The following SMOC1 variants were observed in gnomAD, a reference collection of about 807,000 sequenced individuals.
The protein encoded by SMOC1 is SPARC-related modular calcium-binding protein 1.
In SMOC1, 22 loss-of-function variants were observed where a neutral mutation model predicts 56.3. The observed-to-expected ratio is 0.39, with a 90% CI of 0.28 to 0.56. SMOC1 has a LOEUF of 0.56. Among genes scored for constraint, SMOC1 ranks in the 20% least tolerant of loss-of-function variants. The pLI, the probability that SMOC1 is intolerant of heterozygous loss-of-function variation, is 0.61. For synonymous variants in SMOC1, 193 were observed against 215.0 expected, an observed-to-expected ratio of 0.90 and a Z score of 0.89; for missense variants, 509 against 565.4, an observed-to-expected ratio of 0.90 and a Z score of 1.01.
chr14:69,963,371 T>C (rs1005573787), intron 3 of SMOC1, among the ~76,000 whole-genome samples: 3 of 152,166 alleles, frequency 2.0e-5, no homozygotes, highest in African/African-American at 7.2e-5. Flanking sequence ...GGAAACTTTT[T>C]AGAATCACCA....
At chr14:69,898,562 G>A (rs1884157144) in intron 1 of SMOC1, among the ~76,000 whole-genome samples, 2 of 151,754 alleles carry the variant, frequency 1.3e-5, no homozygotes, top group African/African-American at 4.8e-5. Flanking sequence ...GCCATGTCCA[G>A]TCTACTAATG....
intron 1 of SMOC1, among the ~76,000 whole-genome samples, chr14:69,910,915 TAC>T (rs1884540574): frequency 6.6e-6 from 1 of 152,140 alleles, no homozygotes; most frequent in Non-Finnish European, 1.5e-5. Context: ...TCTGTGTTAT[TAC>T]CAGGGAGTTT....
intron 1 of SMOC1, among the ~76,000 whole-genome samples, chr14:69,938,255 T>C (rs1283641025): frequency 6.6e-6 from 1 of 152,204 alleles, no homozygotes; most frequent in Non-Finnish European, 1.5e-5. Flanking sequence ...AGTATAGTAC[T>C]CTGCCTCTTC....
At chr14:69,894,546 T>A (rs1203801994) in intron 1 of SMOC1, among the ~76,000 whole-genome samples, 1 of 152,200 alleles carries the variant, frequency 6.6e-6, no homozygotes, top group Non-Finnish European at 1.5e-5. Flanking sequence ...CCTGACCACA[T>A]GGCTACTGGA....
intron 1 of SMOC1, among the ~76,000 whole-genome samples, chr14:69,918,956 G>A (rs1194549706): frequency 6.6e-6 from 1 of 152,194 alleles, no homozygotes; most frequent in Non-Finnish European, 1.5e-5. Flanking sequence ...GTGGGTAATG[G>A]AGAAGTGGTG....
chr14:69,922,809 AT>A (rs766321786), intron 1 of SMOC1, among the ~76,000 whole-genome samples: 2 of 151,916 alleles, frequency 1.3e-5, no homozygotes, highest in South Asian at 4.2e-4. Context: ...AACAAATGAG[AT>A]AACTGAAAAC....
At chr14:69,998,616 T>C (rs1231031268) in intron 7 of SMOC1, among the ~76,000 whole-genome samples, 4 of 152,210 alleles carry the variant, frequency 2.6e-5, no homozygotes, top group African/African-American at 9.6e-5. Context: ...GCAGGCACTT[T>C]CCTATGGCTC....
intron 1 of SMOC1, among the ~76,000 whole-genome samples, chr14:69,923,751 C>T (rs564732853): frequency 4.6e-5 from 7 of 152,276 alleles, no homozygotes; most frequent in African/African-American, 1.7e-4. Context: ...CAGACAGTAC[C>T]CAAGGCAGGG....
chr14:69,925,956 C>T (rs930179164), intron 1 of SMOC1, among the ~76,000 whole-genome samples: 2 of 152,156 alleles, frequency 1.3e-5, no homozygotes, highest in African/African-American at 4.8e-5. Flanking sequence ...CTTAGCTCTT[C>T]CTGCCCCCCA....
intron 1 of SMOC1, among the ~76,000 whole-genome samples, chr14:69,912,287 C>T (rs1328492458): frequency 1.3e-5 from 2 of 152,180 alleles, no homozygotes; most frequent in African/African-American, 2.4e-5. Flanking sequence ...CTTGCTCTGT[C>T]ACTCAGGCTG....
At chr14:69,960,545 G>A (rs183100393) in intron 3 of SMOC1, among the ~76,000 whole-genome samples, 22 of 152,180 alleles carry the variant, frequency 1.4e-4, no homozygotes, top group African/African-American at 4.8e-4. Context: ...GGTATAAATG[G>A]TAAATGGTCC....
intron 3 of SMOC1, among the ~76,000 whole-genome samples, chr14:69,972,671 A>G (rs1420700613): frequency 6.6e-6 from 1 of 152,136 alleles, no homozygotes; most frequent in African/African-American, 2.4e-5. Flanking sequence ...TCATGTGCCC[A>G]CTGGGATACA....
intron 3 of SMOC1, among the ~76,000 whole-genome samples, chr14:69,961,840 C>T (rs761627510): frequency 6.6e-6 from 1 of 152,130 alleles, no homozygotes; most frequent in Non-Finnish European, 1.5e-5. Context: ...GACTGTTTTC[C>T]AAGGTAGCTG....
Position 70,023,348 on chromosome 14 carries a change from A to G in SMOC1, c.1192A>G (p.Lys398Glu), listed in dbSNP as rs540955819. ...KRYVKKKAKP[K>E]KCARRFTDYC... is the part of the protein sequence containing the mutation. ...CTACGTGAAGAAGAAAGCCAAGCCCAAGAAATGTGCCCGGCGTTTCACCGA... is the reference window on the plus strand; with the variant it reads ...CTACGTGAAGAAGAAAGCCAAGCCCGAGAAATGTGCCCGGCGTTTCACCGA... The change falls in exon 11 of 12, where the codon AAG (lysine) becomes GAG (glutamate). Residue 398 changes from lysine to glutamate, a missense_variant. Coordinates refer to ENST00000361956, the MANE Select transcript of SMOC1 (RefSeq NM_001034852.3). 1 of 1,614,216 alleles carries G rather than the reference A, an allele frequency of 6.2e-7. No individual in the cohort carries two copies. The highest frequency in any genetic ancestry group is 8.5e-7 in the Non-Finnish European group (1 of 1,180,040).
intron 5 of SMOC1, among the ~76,000 whole-genome samples, chr14:69,978,373 T>G (rs1190162420): frequency 6.6e-6 from 1 of 152,204 alleles, no homozygotes; most frequent in African/African-American, 2.4e-5. Flanking sequence ...TTTTCCCCCC[T>G]CGCTGATGCT....
intron 7 of SMOC1, among the ~76,000 whole-genome samples, chr14:69,996,799 T>G (rs1374295420): frequency 6.6e-6 from 1 of 152,216 alleles, no homozygotes; most frequent in Non-Finnish European, 1.5e-5. Context: ...AACTGAGACT[T>G]TTTCCATCTT....
chr14:69,883,890 T>C (rs984219662), intron 1 of SMOC1, among the ~76,000 whole-genome samples: 1 of 18,186 alleles, frequency 5.5e-5, no homozygotes, highest in East Asian at 2.0e-3. Context: ...ATGTTGAGCA[T>C]TTTTTTTTTT....
At chr14:69,944,774 G>C (rs115161667) in intron 1 of SMOC1, among the ~76,000 whole-genome samples, 354 of 152,266 alleles carry the variant, frequency 2.3e-3, no homozygotes, top group Non-Finnish European at 4.2e-3. Context: ...CTCTGGGATG[G>C]TGGAAAGGCT....
chr14:69,973,327 G>C (rs756937195), intron 3 of SMOC1, among the ~76,000 whole-genome samples: 24 of 152,222 alleles, frequency 1.6e-4, no homozygotes, highest in Non-Finnish European at 1.0e-4. Context: ...CCAGACAATG[G>C]ACTTCCTTAC....
Sources: allele counts gnomAD v4.1 joint callset (sites outside exome capture counted in the v4.1 genomes callset), GRCh38; gene constraint gnomAD v4.1.1; transcripts MANE v1.5; gene names NCBI Gene and HGNC (gene_info 2026-07-23, HGNC 2026-07-21).